The following HS3ST5 variants were observed in gnomAD, a reference collection of about 807,000 sequenced individuals.
HS3ST5 encodes the protein heparan sulfate glucosamine 3-O-sulfotransferase 5.
A neutral mutation model predicts 25.4 loss-of-function variants in HS3ST5; 10 were observed. The observed-to-expected ratio is 0.39, with a 90% CI of 0.24 to 0.67. The LOEUF (loss-of-function observed/expected upper bound fraction) is 0.67. HS3ST5 is among the 30% of genes least tolerant of loss of function. The probability of loss-of-function intolerance (pLI) is 0.44; values close to 1 mark genes in which losing one functional copy is unlikely to be tolerated. For missense variants in HS3ST5, 324 were observed against 420.7 expected (o/e 0.77, Z 2.01); for synonymous variants, 170 against 162.4 (o/e 1.05, Z -0.36).
chr6:114,221,929 A>T (rs1177291819), intron 2 of HS3ST5, among the ~76,000 whole-genome samples: 1 of 151,884 alleles, frequency 6.6e-6, no homozygotes, highest in African/African-American at 2.4e-5. Flanking sequence ...TCATTGTTTG[A>T]CCCTTTTGGA....
intron 3 of HS3ST5, among the ~76,000 whole-genome samples, chr6:114,129,034 C>A (rs1042884033): frequency 1.3e-5 from 2 of 152,156 alleles, no homozygotes; most frequent in Admixed American, 6.5e-5. Context: ...ATTTATCATA[C>A]ATTTATTAAA....
intron 3 of HS3ST5, among the ~76,000 whole-genome samples, chr6:114,144,391 AG>A (rs552702945): frequency 2.0e-5 from 3 of 152,380 alleles, no homozygotes; most frequent in Admixed American, 2.0e-4. Flanking sequence ...AAATAAAATC[AG>A]AGCCCGATAA....
At chr6:114,298,113 C>T (rs946558345) in intron 1 of HS3ST5, among the ~76,000 whole-genome samples, 1 of 152,008 alleles carries the variant, frequency 6.6e-6, no homozygotes, top group African/African-American at 2.4e-5. Context: ...GAAATTAAAA[C>T]AAATTAAACA....
intron 3 of HS3ST5, among the ~76,000 whole-genome samples, chr6:114,136,056 TGG>T (rs1390209246): frequency 6.6e-6 from 1 of 152,232 alleles, no homozygotes. Context: ...CAGTGCATAC[TGG>T]TTGAATGAAT....
intron 1 of HS3ST5, among the ~76,000 whole-genome samples, chr6:114,301,380 T>C (rs979807741): frequency 1.3e-5 from 2 of 152,136 alleles, no homozygotes; most frequent in Admixed American, 1.3e-4. Flanking sequence ...AGAAAAGATG[T>C]CCTCATTTTC....
chr6:114,258,234 G>T (rs966863596), intron 1 of HS3ST5, among the ~76,000 whole-genome samples: 1 of 152,164 alleles, frequency 6.6e-6, no homozygotes, highest in African/African-American at 2.4e-5. Flanking sequence ...CTCCTCTGGA[G>T]AGCTGATCTG....
In HS3ST5 at chr6:114,320,940, A is replaced by ATAT. The variant is rs5879259; in HGVS notation, c.-339+21254_-339+21255insATA. ...TATATATATATATATATACATATAT[A>ATAT]ATATATAAAGCCAGGGTCTCACTAG... On this transcript the variant is annotated intron_variant, in intron 1 of 4. Coordinates refer to ENST00000312719, the MANE Select transcript of HS3ST5 (RefSeq NM_153612.4). Among the ~76,000 whole-genome samples, 193 of 147,612 alleles carry ATAT rather than the reference A, an allele frequency of 1.3e-3. 1 individual carries two copies. Among genetic ancestry groups the ATAT allele is most frequent in the Middle Eastern group, 3.5e-3 (1 of 282 alleles).
chr6:114,238,661 G>T (rs1771968346), intron 1 of HS3ST5, among the ~76,000 whole-genome samples: 1 of 152,058 alleles, frequency 6.6e-6, no homozygotes. Context: ...GAGAGGGCTG[G>T]TCTAATACTT....
intron 1 of HS3ST5, among the ~76,000 whole-genome samples, chr6:114,229,286 C>T (rs1201582776): frequency 1.3e-5 from 2 of 152,064 alleles, no homozygotes; most frequent in African/African-American, 2.4e-5. Context: ...GTTGCCTATT[C>T]GGGAAAACCA....
intron 1 of HS3ST5, among the ~76,000 whole-genome samples, chr6:114,238,802 C>T (rs1009476739): frequency 6.6e-6 from 1 of 152,086 alleles, no homozygotes; most frequent in Non-Finnish European, 1.5e-5. Context: ...TCCCCACAGC[C>T]CCCGCCACCA....
Position 114,248,208 on chromosome 6 carries a change from GA to G in HS3ST5, c.-338-19431del, listed in dbSNP as rs386408321. 6.1e-3 allele frequency among the ~76,000 whole-genome samples: 833 copies of G among 135,980 alleles called. 5 individuals are homozygous for G. The highest frequency in any genetic ancestry group is 0.02 in the African/African-American group (765 of 37,476). 89.2% of individuals were successfully genotyped at this position (135,980 alleles called of 152,430 possible). ...AGAGCGAGATTCCATCTCAAAAAAT[GA>G]AAAAAAAAATATATATATATATATA... On this transcript the variant is annotated intron_variant, in intron 1 of 4. Coordinates refer to ENST00000312719, the MANE Select transcript of HS3ST5 (RefSeq NM_153612.4).
intron 2 of HS3ST5, among the ~76,000 whole-genome samples, chr6:114,196,171 T>C (rs1386138713): frequency 1.3e-5 from 2 of 152,224 alleles, no homozygotes; most frequent in African/African-American, 4.8e-5. Context: ...TCCACACTTC[T>C]TAATTCTCTT....
chr6:114,166,072 G>A (rs145610573), intron 3 of HS3ST5, among the ~76,000 whole-genome samples: 306 of 151,388 alleles, frequency 2.0e-3, no homozygotes, highest in African/African-American at 6.7e-3. Flanking sequence ...CCTAGAATAA[G>A]GTTAAGTGTT....
chr6:114,193,161 A>C (rs911689499), intron 2 of HS3ST5, among the ~76,000 whole-genome samples: 2 of 152,216 alleles, frequency 1.3e-5, no homozygotes, highest in African/African-American at 4.8e-5. Flanking sequence ...ATTAATCACT[A>C]ATGGGTGGAA....
At position 114,232,788 on chromosome 6, in the gene HS3ST5, C is replaced by T. The variant is rs533643171; in HGVS notation, c.-338-4010G>A. Among the ~76,000 whole-genome samples, 5 of 152,278 alleles carry T rather than the reference C, an allele frequency of 3.3e-5. No individual in the cohort carries two copies. In the East Asian group the frequency reaches 9.7e-4, roughly 29 times the overall value. ...TCCTAAATAATTTTCAAACCTACTT[C>T]ACTACTTTTCTCTGTGTATCCTCCT... On this transcript the variant is annotated intron_variant, in intron 1 of 4. Coordinates refer to ENST00000312719, the MANE Select transcript of HS3ST5 (RefSeq NM_153612.4).
intron 1 of HS3ST5, among the ~76,000 whole-genome samples, chr6:114,334,582 A>G (rs1446875226): frequency 6.6e-6 from 1 of 152,216 alleles, no homozygotes; most frequent in African/African-American, 2.4e-5. Flanking sequence ...CTATGTTTAG[A>G]TACACAAATC....
intron 2 of HS3ST5, among the ~76,000 whole-genome samples, chr6:114,171,831 G>A (rs972340430): frequency 3.9e-5 from 6 of 151,994 alleles, no homozygotes; most frequent in African/African-American, 1.2e-4. Flanking sequence ...CAACAAAATA[G>A]TTCTCCCTTG....
chr6:114,160,672 A>T (rs578011343), intron 3 of HS3ST5, among the ~76,000 whole-genome samples: 52 of 152,196 alleles, frequency 3.4e-4, no homozygotes, highest in Non-Finnish European at 3.8e-4. Flanking sequence ...ATTTTAAAAG[A>T]AAGTTCTCTA....
rs544091721 is a variant in HS3ST5 at position 114,333,831 on chromosome 6, G to C, written c.-339+8364C>G. Among the ~76,000 whole-genome samples, 62 of 152,196 alleles carry C rather than the reference G, an allele frequency of 4.1e-4. No individual in the cohort carries two copies. In the South Asian group the frequency reaches 0.012, roughly 29 times the overall value. ...TGGGAATAATGTTCTTCACTTTAAA[G>C]AGTCAGATATCAGAGCTAAGTTGGT... On this transcript the variant is annotated intron_variant, in intron 1 of 4. Transcript: ENST00000312719.
Sources: allele counts gnomAD v4.1 joint callset (sites outside exome capture counted in the v4.1 genomes callset), GRCh38; gene constraint gnomAD v4.1.1; transcripts MANE v1.5; gene names NCBI Gene and HGNC (gene_info 2026-07-23, HGNC 2026-07-21).